The following PDE4B variants were observed in gnomAD, a reference collection of about 807,000 sequenced individuals.
PDE4B encodes the protein 3',5'-cyclic-AMP phosphodiesterase 4B.
PDE4B carries 20 observed loss-of-function variants against 82.2 expected under a neutral mutation model. The observed-to-expected ratio is 0.24, with a 90% CI of 0.17 to 0.35. PDE4B has a LOEUF of 0.35. PDE4B is among the 10% of genes least tolerant of loss of function. PDE4B has a pLI of 1.00. For missense variants in PDE4B, 655 were observed against 907.2 expected (o/e 0.72, Z 3.57); for synonymous variants, 320 against 318.9 (o/e 1.00, Z -0.04).
intron 1 of PDE4B, among the ~76,000 whole-genome samples, chr1:65,804,011 A>G (rs1022238733): frequency 6.6e-6 from 1 of 152,230 alleles, no homozygotes; most frequent in African/African-American, 2.4e-5. Flanking sequence ...TCACTAACTT[A>G]ATTGTGTAAC....
intron 3 of PDE4B, among the ~76,000 whole-genome samples, chr1:66,019,826 C>T (rs1652988748): frequency 6.6e-6 from 1 of 152,192 alleles, no homozygotes; most frequent in Non-Finnish European, 1.5e-5. Context: ...ATCTGGAAAT[C>T]TGTTCAGATC....
chr1:66,313,832 T>G (rs181415866), intron 7 of PDE4B, among the ~76,000 whole-genome samples: 24 of 151,954 alleles, frequency 1.6e-4, no homozygotes, highest in African/African-American at 5.8e-4. Flanking sequence ...GCCTGGAGAG[T>G]TGTAATCCTT....
intron 3 of PDE4B, among the ~76,000 whole-genome samples, chr1:66,105,924 C>A (rs941137307): frequency 2.6e-5 from 4 of 151,868 alleles, no homozygotes; most frequent in African/African-American, 7.3e-5. Flanking sequence ...AATTGAATAC[C>A]CTTTATTTCC....
intron 3 of PDE4B, among the ~76,000 whole-genome samples, chr1:66,028,311 T>C (rs2100789294): frequency 1.3e-5 from 2 of 152,226 alleles, no homozygotes; most frequent in South Asian, 4.1e-4. Context: ...CTGGAGTGGC[T>C]GGGACACAGG....
chr1:65,946,758 G>A (rs184854504), intron 3 of PDE4B, among the ~76,000 whole-genome samples: 57 of 152,072 alleles, frequency 3.7e-4, no homozygotes, highest in Admixed American at 1.2e-3. Flanking sequence ...TGGACCTTAT[G>A]CAGACCCATT....
rs574617972 is a variant in PDE4B at position 66,262,714 on chromosome 1, C to T, written c.585-3324C>T. On this transcript the variant is annotated intron_variant, in intron 6 of 16. Coordinates refer to ENST00000341517, the MANE Select transcript of PDE4B (RefSeq NM_002600.4). ...TATTCATTGAAAATGTATTGAGCCT[C>T]TTCTTTGCACCAGGTCTCATGAATA... Among the ~76,000 whole-genome samples the T allele has an allele frequency of 2.6e-5, 4 of 152,316 alleles. No homozygotes were observed. The South Asian group carries it at 8.3e-4, about 32-fold the overall frequency.
intron 3 of PDE4B, among the ~76,000 whole-genome samples, chr1:66,078,866 C>A (rs1441438427): frequency 6.6e-6 from 1 of 152,112 alleles, no homozygotes; most frequent in Admixed American, 6.6e-5. Flanking sequence ...TCAAAGAACA[C>A]TCCTGTTCTC....
intron 1 of PDE4B, among the ~76,000 whole-genome samples, chr1:65,839,068 A>T (rs1646177215): frequency 6.6e-6 from 1 of 152,114 alleles, no homozygotes; most frequent in Non-Finnish European, 1.5e-5. Flanking sequence ...AAGATATCGA[A>T]TTTTTGCTGT....
At chr1:65,862,078 A>G (rs567166925) in intron 1 of PDE4B, among the ~76,000 whole-genome samples, 2 of 152,226 alleles carry the variant, frequency 1.3e-5, no homozygotes, top group African/African-American at 4.8e-5. Context: ...AGAACTTCCA[A>G]TACTATATTG....
intron 1 of PDE4B, among the ~76,000 whole-genome samples, chr1:65,804,685 A>G (rs901632722): frequency 4.6e-5 from 7 of 152,076 alleles, no homozygotes; most frequent in Admixed American, 3.9e-4. Flanking sequence ...TCATTTTCCA[A>G]ATGGATAATT....
chr1:65,900,047 A>T (rs1023120642), intron 1 of PDE4B, among the ~76,000 whole-genome samples: 33 of 152,042 alleles, frequency 2.2e-4, no homozygotes, highest in Admixed American at 5.9e-4. Context: ...AAAATAAAAA[A>T]GAAGGGTATT....
At chr1:65,980,147 A>T (rs9436310) in intron 3 of PDE4B, among the ~76,000 whole-genome samples, 1 of 152,182 alleles carries the variant, frequency 6.6e-6, no homozygotes, top group South Asian at 2.1e-4. Context: ...GTTGATAATG[A>T]TTATACACAT....
intron 3 of PDE4B, among the ~76,000 whole-genome samples, chr1:66,116,159 G>A: frequency 6.6e-6 from 1 of 152,056 alleles, no homozygotes; most frequent in East Asian, 1.9e-4. Flanking sequence ...ATGTTCACTT[G>A]CATGGGCATG....
At chr1:65,863,603 G>T (rs765434001) in intron 1 of PDE4B, among the ~76,000 whole-genome samples, 6 of 152,122 alleles carry the variant, frequency 3.9e-5, no homozygotes, top group African/African-American at 9.7e-5. Flanking sequence ...TGACAGTGGG[G>T]TGTTAAAGTC....
At chr1:66,266,563 T>C in intron 7 of PDE4B, 1 of 387,194 alleles carries the variant, frequency 2.6e-6, no homozygotes, top group Non-Finnish European at 5.1e-6. Context: ...CAAAGGCTCT[T>C]TCCAGGTCAC....
intron 3 of PDE4B, among the ~76,000 whole-genome samples, chr1:65,948,480 T>A (rs531238300): frequency 6.6e-6 from 1 of 151,960 alleles, no homozygotes; most frequent in African/African-American, 2.4e-5. Context: ...GGGAGAAAGA[T>A]AGAGGCTGAG....
intron 1 of PDE4B, among the ~76,000 whole-genome samples, chr1:65,908,958 A>G (rs1557811113): frequency 6.6e-6 from 1 of 152,196 alleles, no homozygotes; most frequent in Non-Finnish European, 1.5e-5. Flanking sequence ...CTGAAGATAA[A>G]AATAGAGAGG....
At chr1:66,368,605 TAA>T (rs1663424606) in intron 15 of PDE4B, among the ~76,000 whole-genome samples, 180 bp from the exon 16 acceptor site, 1 of 152,224 alleles carries the variant, frequency 6.6e-6, no homozygotes, top group Admixed American at 6.5e-5. Context: ...TCTATAAAAG[TAA>T]ATAACTGACC....
intron 7 of PDE4B, among the ~76,000 whole-genome samples, chr1:66,281,300 C>A (rs1009240846): frequency 1.3e-5 from 2 of 152,192 alleles, no homozygotes; most frequent in Non-Finnish European, 2.9e-5. Context: ...TAACAGGGAA[C>A]AGTTTTTGGG....
Sources: gnomAD v4.1 joint callset for allele counts (sites outside exome capture counted in the v4.1 genomes callset) on GRCh38, gnomAD v4.1.1 for gene constraint, MANE v1.5 for transcripts, NCBI Gene and HGNC (gene_info 2026-07-23, HGNC 2026-07-21) for gene names.